AK5: variants seen among roughly 807,000 people sequenced by gnomAD.
AK5 encodes the protein adenylate kinase 5.
A neutral mutation model predicts 69.5 loss-of-function variants in AK5; 27 were observed. That is an observed-to-expected ratio of 0.39 (90% CI 0.29 to 0.54). The LOEUF (loss-of-function observed/expected upper bound fraction) is 0.54. AK5 is among the 20% of genes least tolerant of loss of function. The pLI, the probability that AK5 is intolerant of heterozygous loss-of-function variation, is 0.71. For synonymous variants in AK5, 260 were observed against 244.4 expected (o/e 1.06, Z -0.60); for missense variants, 531 against 700.4 (o/e 0.76, Z 2.73).
rs1660334544 is a variant in AK5, at chr1:77,559,634, T to A, written c.*964T>A. On this transcript the variant is annotated 3_prime_UTR_variant, in exon 14 of 14. Transcript: ENST00000354567. The stretch of plus-strand genomic sequence containing the variant: ...ATGTCAGTAAGTGGTGTGTTCAATG[T>A]GTTTGTTTCATATGGGCCCTTTCCA... The A allele has an allele frequency of 6.6e-6, 1 of 152,224 alleles. No individual in the cohort carries two copies. The highest frequency in any genetic ancestry group is 1.5e-5 in the Non-Finnish European group (1 of 68,036). 9.4% of individuals were successfully genotyped at this position (152,224 alleles called of 1,614,324 possible). A position where few individuals can be genotyped will look rare whatever the true frequency, so the allele number is the denominator to read the frequency against.
At chr1:77,370,066 G>A (rs1044010980) in intron 6 of AK5, among the ~76,000 whole-genome samples, 34 of 152,082 alleles carry the variant, frequency 2.2e-4, no homozygotes, top group African/African-American at 7.5e-4. Flanking sequence ...ACTTTTCCCC[G>A]CAGCTCCTGT....
chr1:77,391,412 CATATATATGTATATATATACATATAT>C (rs1648424841), intron 6 of AK5, among the ~76,000 whole-genome samples: 1 of 131,154 alleles, frequency 7.6e-6, no homozygotes, highest in African/African-American at 3.0e-5. Context: ...TATACACACA[CATATATATGTATATATATACATATAT>C]ACATATATGT....
intron 5 of AK5, among the ~76,000 whole-genome samples, chr1:77,306,672 T>C (rs1056873290): frequency 1.3e-5 from 2 of 152,098 alleles, no homozygotes; most frequent in Admixed American, 1.3e-4. Flanking sequence ...TGAATATGAT[T>C]GGTAGTAGTT....
chr1:77,405,423 G>A (rs1340227318), intron 6 of AK5, among the ~76,000 whole-genome samples: 1 of 152,208 alleles, frequency 6.6e-6, no homozygotes, highest in Non-Finnish European at 1.5e-5. Context: ...CTTGAATGGA[G>A]AGCTCTGTCT....
At chr1:77,361,259 G>C (rs1646857613) in intron 6 of AK5, among the ~76,000 whole-genome samples, 1 of 152,116 alleles carries the variant, frequency 6.6e-6, no homozygotes, top group Non-Finnish European at 1.5e-5. Flanking sequence ...TGGTTCTTAA[G>C]TATTTCCTGA....
At chr1:77,504,376 C>G (rs1156318552) in intron 10 of AK5, among the ~76,000 whole-genome samples, 2 of 151,878 alleles carry the variant, frequency 1.3e-5, no homozygotes, top group Admixed American at 1.3e-4. Context: ...AGCCCAATAC[C>G]TGGGAATGAA....
intron 12 of AK5, among the ~76,000 whole-genome samples, chr1:77,523,791 C>T (rs930749143): frequency 6.6e-6 from 1 of 152,130 alleles, no homozygotes; most frequent in Non-Finnish European, 1.5e-5. Flanking sequence ...CTCACCTCAG[C>T]CTCCTGAGCA....
intron 8 of AK5, among the ~76,000 whole-genome samples, chr1:77,448,170 G>C (rs1652872874): frequency 6.6e-6 from 1 of 152,148 alleles, no homozygotes; most frequent in African/African-American, 2.4e-5. Flanking sequence ...GCGGGTCCTG[G>C]TGAAGCCCCA....
At chr1:77,540,495 C>G (rs1388454774) in intron 13 of AK5, 1 of 152,228 alleles carries the variant, frequency 6.6e-6, no homozygotes, top group African/African-American at 2.4e-5. Flanking sequence ...ACCATCACCC[C>G]CAACTGACTA....
chr1:77,495,620 T>C (rs939535171), intron 10 of AK5, among the ~76,000 whole-genome samples: 8 of 152,244 alleles, frequency 5.3e-5, no homozygotes, highest in African/African-American at 1.9e-4. Context: ...AGAAATAGCA[T>C]AGGCACTTGT....
chr1:77,488,165 G>C (rs1284791907), intron 10 of AK5, among the ~76,000 whole-genome samples: 1 of 152,168 alleles, frequency 6.6e-6, no homozygotes, highest in Non-Finnish European at 1.5e-5. Flanking sequence ...ACCTACCTTA[G>C]TTCCAGTTGT....
chr1:77,327,077 A>G (rs2100342024), intron 5 of AK5, among the ~76,000 whole-genome samples: 1 of 152,274 alleles, frequency 6.6e-6, no homozygotes, highest in Admixed American at 6.5e-5. Flanking sequence ...GCAGGTAGAG[A>G]GAGCTGGCTT....
At chr1:77,343,061 G>T (rs1465026072) in intron 6 of AK5, among the ~76,000 whole-genome samples, 2 of 152,128 alleles carry the variant, frequency 1.3e-5, no homozygotes, top group Non-Finnish European at 2.9e-5. Context: ...AGTGTGTGGA[G>T]AAAGAGACAT....
chr1:77,540,517 CAAG>C (rs1428617633), intron 13 of AK5: 2 of 152,194 alleles, frequency 1.3e-5, no homozygotes, highest in African/African-American at 2.4e-5. Context: ...AATTAGCCTA[CAAG>C]AAGAAGTTTT....
At chr1:77,338,914 G>A (rs1349679999) in intron 5 of AK5, among the ~76,000 whole-genome samples, 19 of 152,152 alleles carry the variant, frequency 1.2e-4, no homozygotes, top group Admixed American at 1.2e-3. Flanking sequence ...GGACATAGAG[G>A]TTTAGCAAGA....
intron 5 of AK5, among the ~76,000 whole-genome samples, chr1:77,318,974 G>A (rs1660385306): frequency 6.6e-6 from 1 of 152,094 alleles, no homozygotes. Flanking sequence ...GGTGTGCATA[G>A]GACATGAGGA....
chr1:77,499,675 T>C (rs959615493), intron 10 of AK5, among the ~76,000 whole-genome samples: 4 of 152,086 alleles, frequency 2.6e-5, no homozygotes, highest in Non-Finnish European at 4.4e-5. Context: ...TGCCTCTCAT[T>C]CCAACATCTG....
At chr1:77,507,653 A>G (rs187456337) in intron 10 of AK5, among the ~76,000 whole-genome samples, 2 of 152,358 alleles carry the variant, frequency 1.3e-5, no homozygotes, top group Admixed American at 1.3e-4. Flanking sequence ...ATAAGGCAAT[A>G]AGGATTTTTA....
At chr1:77,356,362 G>T (rs1435652050) in intron 6 of AK5, among the ~76,000 whole-genome samples, 1 of 152,070 alleles carries the variant, frequency 6.6e-6, no homozygotes, top group Admixed American at 6.6e-5. Context: ...ATCACAACCT[G>T]GATTTGGAAA....
Sources: allele counts gnomAD v4.1 joint callset (sites outside exome capture counted in the v4.1 genomes callset), GRCh38; gene constraint gnomAD v4.1.1; transcripts MANE v1.5; gene names NCBI Gene and HGNC (gene_info 2026-07-23, HGNC 2026-07-21).